Variants in TMEM101 observed in about 807,000 individuals in gnomAD.
The protein encoded by TMEM101 is putative NF-kappa-B-activating protein 130.
Under a neutral mutation model 26.0 loss-of-function variants are expected in TMEM101, and 14 were observed. The ratio of observed to expected loss-of-function variants is 0.54; its 90% CI spans 0.36 to 0.84. The LOEUF (loss-of-function observed/expected upper bound fraction) is 0.84. Among genes scored for constraint, TMEM101 ranks in the 40% least tolerant of loss-of-function variants. The pLI, the probability that TMEM101 is intolerant of heterozygous loss-of-function variation, is 0.01. For synonymous variants in TMEM101, 152 were observed against 145.1 expected (o/e 1.05, Z -0.34); for missense variants, 292 against 345.1 (o/e 0.85, Z 1.22).
chr17:44,012,738 A>G, intron 3 of TMEM101: 1 of 429,482 alleles, frequency 2.3e-6, no homozygotes, highest in Non-Finnish European at 4.1e-6. Context: ...GAGCCATGAG[A>G]GAATCACCCC....
At chr17:44,015,115 C>G (rs1459469659), upstream of TMEM101, 1 of 900,134 alleles carries the variant, frequency 1.1e-6, no homozygotes, top group Non-Finnish European at 1.6e-6. Flanking sequence ...GAAGTCCAGC[C>G]TTCTCGTCTG....
intron 1 of TMEM101, 35 bp from the exon 2 acceptor site, chr17:44,014,572 A>C (rs2049205008): frequency 6.4e-7 from 1 of 1,561,532 alleles, no homozygotes; most frequent in Non-Finnish European, 8.7e-7. Context: ...ACGAGGACAG[A>C]ATGAAGCGGT....
chr17:44,011,972 C>CA lies in TMEM101; in HGVS notation c.729dup (p.Val244CysfsTer13). 1 of 1,613,936 alleles carries CA rather than the reference C, an allele frequency of 6.2e-7. No homozygotes were observed. The highest frequency in any genetic ancestry group is 8.5e-7 in the Non-Finnish European group (1 of 1,179,860). ...ATGACAGCAGTTCCGAAGATGCCCACACTCTCTCCAAGGAGCTTCATCTGG... is the reference window on the plus strand; with the variant it reads ...ATGACAGCAGTTCCGAAGATGCCCACAACTCTCTCCAAGGAGCTTCATCTGG... On this transcript the variant is annotated frameshift_variant, in exon 4 of 4. Transcript: ENST00000206380. LOFTEE classifies it high-confidence loss of function.
At chr17:44,021,126 A>G (rs775386390) in intron 2 of TMEM101, among the ~76,000 whole-genome samples, 1 of 151,994 alleles carries the variant, frequency 6.6e-6, no homozygotes, top group Non-Finnish European at 1.5e-5. Flanking sequence ...TAAGTTGCCC[A>G]CTCTGGTGGA....
chr17:44,012,361 G>T, intron 3 of TMEM101, 125 bp from the exon 4 acceptor site: 1 of 906,280 alleles, frequency 1.1e-6, no homozygotes, highest in Non-Finnish European at 1.6e-6. Flanking sequence ...CTCTTGGACT[G>T]GGGAACCTCT....
Position 44,011,602 on chromosome 17 carries a change from C to T in TMEM101, c.*326G>A. 2.8e-6 allele frequency: 1 copy of T among 351,396 alleles called. No homozygotes were observed. Among genetic ancestry groups the T allele is most frequent in the Non-Finnish European group, 5.2e-6 (1 of 190,812 alleles). 21.8% of individuals were successfully genotyped at this position (351,396 alleles called of 1,614,324 possible). A position where few individuals can be genotyped will look rare whatever the true frequency, so the allele number is the denominator to read the frequency against. On this transcript the variant is annotated 3_prime_UTR_variant, in exon 4 of 4. Transcript: ENST00000206380. The stretch of plus-strand genomic sequence containing the variant: ...TCTCCATCTTCCTTCCTCTGTCTCC[C>T]ACTCTCCCACTCTCAGTAGCCGCAT...
At chr17:44,019,635 C>T (rs1567949225), upstream of TMEM101, among the ~76,000 whole-genome samples, 1 of 152,152 alleles carries the variant, frequency 6.6e-6, no homozygotes, top group Non-Finnish European at 1.5e-5. Context: ...CAACCTGTTC[C>T]GGGACTTGGT....
chr17:44,013,486 C>A (rs2049188203), intron 2 of TMEM101, among the ~76,000 whole-genome samples: 1 of 152,060 alleles, frequency 6.6e-6, no homozygotes, highest in African/African-American at 2.4e-5. Context: ...CATGAGGAAA[C>A]CCTGTCTACT....
In TMEM101 at chr17:44,012,079, G is replaced by A. The variant is rs748866523; in HGVS notation, c.623C>T (p.Ala208Val). ...YYVTLAAQILAVLLPPVMLLI... is the reference protein window; with the variant it reads ...YYVTLAAQILVVLLPPVMLLI... ...CAGCATGACAGGGGGCAGCAGTACAGCCAGGATCTGGGCAGCGAGGGTCAC... is the reference window on the plus strand; with the variant it reads ...CAGCATGACAGGGGGCAGCAGTACAACCAGGATCTGGGCAGCGAGGGTCAC... Residue 208 changes from alanine to valine, a missense_variant, in exon 4 of 4, where the codon GCT (alanine) becomes GTT (valine). This residue lies in a region of TMEM101 where 149 missense variants were observed against 211.9 expected (regional missense o/e 0.70). Transcript: ENST00000206380. The A allele has an allele frequency of 6.2e-6, 10 of 1,614,136 alleles. No individual in the cohort carries two copies. The Admixed American group carries it at 1.5e-4, about 24-fold the overall frequency.
chr17:44,019,110 A>G (rs1280448878), upstream of TMEM101: 2 of 201,266 alleles, frequency 9.9e-6, no homozygotes, highest in Non-Finnish European at 2.0e-5. Flanking sequence ...CACACATACA[A>G]TACCTTTAAG....
Position 44,011,647 on chromosome 17 carries a change from C to T in TMEM101, c.*281G>A. On this transcript the variant is annotated 3_prime_UTR_variant, in exon 4 of 4. Coordinates refer to ENST00000206380, the MANE Select transcript of TMEM101 (RefSeq NM_032376.4). ...CCGCATCCCAGCCCTGCCATACTCC[C>T]TTCTCAGGGACAGGAGACTCAGTGG... 2 of 461,840 alleles carry T rather than the reference C, an allele frequency of 4.3e-6. No homozygotes were observed. Among genetic ancestry groups the T allele is most frequent in the Non-Finnish European group, 7.8e-6 (2 of 257,558 alleles). 28.6% of individuals were successfully genotyped at this position (461,840 alleles called of 1,614,324 possible).
upstream of TMEM101, chr17:44,019,488 G>A (rs77723606): frequency 5.7e-6 from 1 of 176,118 alleles, no homozygotes; most frequent in East Asian, 1.8e-4. Flanking sequence ...GGCCCTTCAT[G>A]ACCAGGCTCA....
chr17:44,015,056 G>A (rs555829029), upstream of TMEM101: 4 of 1,458,978 alleles, frequency 2.7e-6, no homozygotes, highest in African/African-American at 4.3e-5. Flanking sequence ...TTTCCTCCCG[G>A]AAACAACGGT....
At chr17:44,015,194 G>T, upstream of TMEM101, 3 of 449,798 alleles carry the variant, frequency 6.7e-6, no homozygotes, top group Non-Finnish European at 1.2e-5. Context: ...AGGAACAGTG[G>T]GTTCAGGATA....
intron 2 of TMEM101, among the ~76,000 whole-genome samples, chr17:44,020,487 G>A (rs1350582205): frequency 2.0e-5 from 3 of 152,324 alleles, no homozygotes; most frequent in Non-Finnish European, 2.9e-5. Context: ...TTGGGAGGCC[G>A]AGGAGGGCAG....
intron 3 of TMEM101, 138 bp downstream of exon 3, chr17:44,012,871 G>A (rs2049178297): frequency 2.0e-6 from 2 of 992,898 alleles, no homozygotes; most frequent in Non-Finnish European, 2.7e-6. Flanking sequence ...AGCTGGCCAG[G>A]GCAATTCCCA....
chr17:44,023,171 C>T (rs1205310242), upstream of TMEM101: 3 of 183,060 alleles, frequency 1.6e-5, no homozygotes, highest in African/African-American at 2.4e-5. Flanking sequence ...TCTTTTGTAA[C>T]GAGTTGTTTG....
At chr17:44,015,644 C>A (rs1049948702), upstream of TMEM101, among the ~76,000 whole-genome samples, 9 of 152,186 alleles carry the variant, frequency 5.9e-5, no homozygotes, top group Admixed American at 1.3e-4. Context: ...CCGCCCGCCT[C>A]GGCCTCCCAA....
intron 1 of TMEM101, 37 bp from the exon 2 acceptor site, chr17:44,014,574 T>G (rs377620031): frequency 6.4e-6 from 10 of 1,561,192 alleles, no homozygotes; most frequent in Non-Finnish European, 7.8e-6. Flanking sequence ...GAGGACAGAA[T>G]GAAGCGGTGG....
Sources: gnomAD v4.1 joint callset for allele counts (sites outside exome capture counted in the v4.1 genomes callset) on GRCh38, gnomAD v4.1.1 for gene constraint, gnomAD v4.1.1 regional missense constraint, MANE v1.5 for transcripts, NCBI Gene and HGNC (gene_info 2026-07-23, HGNC 2026-07-21) for gene names.